GRID2: variants seen among roughly 807,000 people sequenced by gnomAD.
GRID2 encodes the protein glutamate ionotropic receptor delta type subunit 2.
Under a neutral mutation model 114.8 loss-of-function variants are expected in GRID2, and 33 were observed. The ratio of observed to expected loss-of-function variants is 0.29; its 90% CI spans 0.22 to 0.38. The LOEUF is 0.38. Ranked by LOEUF, GRID2 falls within the 10% of genes least tolerant of loss-of-function variation. The probability of loss-of-function intolerance (pLI) is 1.00; values close to 1 mark genes in which losing one functional copy is unlikely to be tolerated. For missense variants in GRID2, 1,184 were observed against 1,257.7 expected (o/e 0.94, Z 0.89); for synonymous variants, 505 against 449.9 (o/e 1.12, Z -1.55).
intron 1 of GRID2, among the ~76,000 whole-genome samples, chr4:92,379,944 A>G (rs1238205073): frequency 6.6e-6 from 1 of 151,982 alleles, no homozygotes; most frequent in African/African-American, 2.4e-5. Context: ...ACAAATAATA[A>G]TCCTATACTT....
chr4:93,537,808 C>A (rs967129333), intron 13 of GRID2, among the ~76,000 whole-genome samples: 3 of 151,702 alleles, frequency 2.0e-5, no homozygotes, highest in African/African-American at 7.2e-5. Context: ...TTTTTTAATT[C>A]TAAATATTTC....
rs546125209 is a variant in GRID2 at position 92,540,428 on chromosome 4, T to A, written c.89-49703T>A. Among the ~76,000 whole-genome samples, 38 of 152,036 alleles carry A rather than the reference T, an allele frequency of 2.5e-4. 2 individuals carry two copies. The South Asian group carries it at 7.7e-3, about 31-fold the overall frequency. On this transcript the variant is annotated intron_variant, in intron 1 of 15. Coordinates refer to ENST00000282020, the MANE Select transcript of GRID2 (RefSeq NM_001510.4). ...ATAGGGCTAATATCCAGAATCTACA[T>A]AGAACTCAAACAAATTTACAAGAAA...
At chr4:92,715,474 G>C (rs1735494889) in intron 2 of GRID2, among the ~76,000 whole-genome samples, 2 of 151,894 alleles carry the variant, frequency 1.3e-5, no homozygotes, top group Admixed American at 1.3e-4. Flanking sequence ...CCCCACCCCT[G>C]CTATCAATTT....
chr4:93,485,937 A>G (rs1470196808), intron 11 of GRID2, among the ~76,000 whole-genome samples: 1 of 151,708 alleles, frequency 6.6e-6, no homozygotes, highest in African/African-American at 2.4e-5. Flanking sequence ...GACTGAATCT[A>G]TAGATCAATT....
At chr4:92,546,933 C>A (rs1180388811) in intron 1 of GRID2, among the ~76,000 whole-genome samples, 1 of 152,166 alleles carries the variant, frequency 6.6e-6, no homozygotes, top group East Asian at 1.9e-4. Flanking sequence ...CCCTACATCC[C>A]TCCTGTTTAA....
chr4:93,077,197 G>A (rs1157597977), intron 2 of GRID2, among the ~76,000 whole-genome samples: 1 of 152,160 alleles, frequency 6.6e-6, no homozygotes, highest in Non-Finnish European at 1.5e-5. Flanking sequence ...AACATTAGGA[G>A]TAAAATTAAC....
Position 93,243,471 on chromosome 4 carries a change from C to T in GRID2, c.1245+4981C>T, listed in dbSNP as rs553152000. 9.2e-5 allele frequency among the ~76,000 whole-genome samples: 14 copies of T among 152,132 alleles called. No individual in the cohort carries two copies. The South Asian group carries it at 2.1e-3, about 23-fold the overall frequency. ...AAGGAGTGAATGGTTTTTCAGTTGA[C>T]GGACTGTCAAGTTGTCAGTGTTTAT... On this transcript the variant is annotated intron_variant, in intron 8 of 15. Transcript: ENST00000282020.
rs1753189668 is a variant in GRID2 at position 93,286,687 on chromosome 4, GTGT to G, written c.1245+48198_1245+48200del. 1.8e-4 allele frequency among the ~76,000 whole-genome samples: 26 copies of G among 144,876 alleles called. No homozygotes were observed. In the East Asian group the frequency reaches 2.9e-3, roughly 16 times the overall value. ...GAAAAGCTTTTGTGTATGTGTGTGTGTGTGGGGGTGTGTGTGTGTGTGTGTGTG... is the reference window on the plus strand; with the variant it reads ...GAAAAGCTTTTGTGTATGTGTGTGTGGGGGGTGTGTGTGTGTGTGTGTGTG... On this transcript the variant is annotated intron_variant, in intron 8 of 15. Coordinates refer to ENST00000282020, the MANE Select transcript of GRID2 (RefSeq NM_001510.4).
chr4:93,675,435 T>C (rs74950655), intron 14 of GRID2, among the ~76,000 whole-genome samples: 4,658 of 152,294 alleles, frequency 0.031, 110 homozygotes, highest in African/African-American at 0.062. Flanking sequence ...AGGTATCTGG[T>C]TCTTGTAATT....
intron 1 of GRID2, among the ~76,000 whole-genome samples, chr4:92,357,631 C>A (rs1728393224): frequency 6.6e-6 from 1 of 151,520 alleles, no homozygotes; most frequent in African/African-American, 2.4e-5. Context: ...ATAATACAAG[C>A]TTTTTCTGTA....
chr4:93,386,976 C>G (rs895241121), intron 8 of GRID2, among the ~76,000 whole-genome samples: 1 of 152,150 alleles, frequency 6.6e-6, no homozygotes, highest in Non-Finnish European at 1.5e-5. Flanking sequence ...CAACTCCCGT[C>G]AGACACTGCA....
At chr4:93,126,551 C>G (rs1734275155) in intron 4 of GRID2, among the ~76,000 whole-genome samples, 1 of 147,604 alleles carries the variant, frequency 6.8e-6, no homozygotes, top group Admixed American at 6.8e-5. Context: ...ATAAAATTAT[C>G]CCTGGTTGAC....
chr4:92,512,047 AT>A (rs34500769), intron 1 of GRID2, among the ~76,000 whole-genome samples: 50,234 of 148,030 alleles, frequency 0.34, 8,310 homozygotes, highest in Non-Finnish European at 0.36. Context: ...TGACCATTCT[AT>A]TTTTTTTTTT....
intron 1 of GRID2, among the ~76,000 whole-genome samples, chr4:92,557,024 T>C (rs1726885099): frequency 6.6e-6 from 1 of 152,130 alleles, no homozygotes; most frequent in South Asian, 2.1e-4. Flanking sequence ...AAAACATCTA[T>C]TGCCCAACAG....
chr4:93,599,033 C>T (rs866888265), intron 13 of GRID2, among the ~76,000 whole-genome samples: 1 of 152,084 alleles, frequency 6.6e-6, no homozygotes, highest in Non-Finnish European at 1.5e-5. Context: ...CTAAGAAAAT[C>T]ATATTCTGAA....
At chr4:93,307,110 T>A (rs2149179041) in intron 8 of GRID2, among the ~76,000 whole-genome samples, 1 of 151,598 alleles carries the variant, frequency 6.6e-6, no homozygotes, top group East Asian at 2.0e-4. Flanking sequence ...GCAGGAGAAT[T>A]GCTTGAATGG....
At chr4:92,665,933 G>A in intron 2 of GRID2, among the ~76,000 whole-genome samples, 1 of 151,392 alleles carries the variant, frequency 6.6e-6, no homozygotes, top group Non-Finnish European at 1.5e-5. Context: ...ATTCATTAAA[G>A]TTCTTGAATG....
At chr4:93,470,209 G>A (rs115135777) in intron 11 of GRID2, among the ~76,000 whole-genome samples, 2,220 of 152,154 alleles carry the variant, frequency 0.015, 17 homozygotes, top group Non-Finnish European at 0.023. Context: ...ACAATGTCCA[G>A]GATGGACACT....
intron 2 of GRID2, among the ~76,000 whole-genome samples, chr4:93,037,086 A>C (rs1725000505): frequency 6.6e-6 from 1 of 152,148 alleles, no homozygotes; most frequent in African/African-American, 2.4e-5. Context: ...ATGGATAGAC[A>C]CTCAAATTGT....
Sources: allele counts gnomAD v4.1 joint callset (sites outside exome capture counted in the v4.1 genomes callset), GRCh38; gene constraint gnomAD v4.1.1; transcripts MANE v1.5; gene names NCBI Gene and HGNC (gene_info 2026-07-23, HGNC 2026-07-21).